The following CDC5L variants were observed in gnomAD, a reference collection of about 807,000 sequenced individuals.
CDC5L encodes the protein cell division cycle 5-like protein.
In CDC5L, 18 loss-of-function variants were observed where a neutral mutation model predicts 104.1. The observed-to-expected ratio is 0.17, with a 90% CI of 0.12 to 0.26. The LOEUF is 0.26. CDC5L is among the 10% of genes least tolerant of loss of function. CDC5L has a pLI of 1.00. For synonymous variants in CDC5L, 331 were observed against 322.7 expected, an observed-to-expected ratio of 1.03 and a Z score of -0.28; for missense variants, 673 against 956.9, an observed-to-expected ratio of 0.70 and a Z score of 3.91.
At chr6:44,421,474 A>G (rs1440041702) in intron 9 of CDC5L, among the ~76,000 whole-genome samples, 1 of 152,256 alleles carries the variant, frequency 6.6e-6, no homozygotes, top group Non-Finnish European at 1.5e-5. Flanking sequence ...GCTATTACAC[A>G]TATCATGACA....
In CDC5L at chr6:44,437,448, A is replaced by AT. The variant is rs561666998; in HGVS notation, c.2091+7541dup. Among the ~76,000 whole-genome samples the AT allele has an allele frequency of 1.8e-4, 27 of 152,284 alleles. No homozygotes were observed. In the East Asian group the frequency reaches 3.5e-3, roughly 20 times the overall value. ...TTATATGTTTAATGACTATATAGTT[A>AT]TTTGGCTAAATTAATTTTTTTCTGT... On this transcript the variant is annotated intron_variant, in intron 14 of 15. Coordinates refer to ENST00000371477, the MANE Select transcript of CDC5L (RefSeq NM_001253.4).
chr6:44,403,214 GTTAAT>G (rs1362633390), intron 5 of CDC5L, among the ~76,000 whole-genome samples: 1 of 151,562 alleles, frequency 6.6e-6, no homozygotes, highest in Non-Finnish European at 1.5e-5. Flanking sequence ...AATGGTACTT[GTTAAT>G]TTAATTTGTG....
At chr6:44,421,375 C>A (rs1390414571) in intron 9 of CDC5L, among the ~76,000 whole-genome samples, 1 of 152,154 alleles carries the variant, frequency 6.6e-6, no homozygotes. Flanking sequence ...TTGGAACTTA[C>A]AATGGTTGGA....
At chr6:44,441,557 A>G (rs1034711054) in intron 14 of CDC5L, among the ~76,000 whole-genome samples, 4 of 152,216 alleles carry the variant, frequency 2.6e-5, no homozygotes, top group Non-Finnish European at 4.4e-5. Flanking sequence ...TAATGGCTGT[A>G]CTAATTTACA....
At chr6:44,445,134 C>T (rs1330622182) in intron 14 of CDC5L, among the ~76,000 whole-genome samples, 1 of 152,112 alleles carries the variant, frequency 6.6e-6, no homozygotes, top group Non-Finnish European at 1.5e-5. Flanking sequence ...TTAAAAGTAT[C>T]TCTCTTGTTC....
chr6:44,440,282 C>T (rs1793121723), intron 14 of CDC5L, among the ~76,000 whole-genome samples: 1 of 147,038 alleles, frequency 6.8e-6, no homozygotes. Context: ...TGCTCTGTTG[C>T]TCAGGCTGGA....
intron 5 of CDC5L, among the ~76,000 whole-genome samples, chr6:44,402,390 AT>A (rs1363591676): frequency 2.0e-5 from 3 of 152,168 alleles, no homozygotes; most frequent in South Asian, 4.1e-4. Flanking sequence ...GATTTTCTTG[AT>A]TTAATGTTTA....
intron 8 of CDC5L, among the ~76,000 whole-genome samples, chr6:44,410,963 CAT>C (rs1242320700): frequency 1.3e-5 from 2 of 150,376 alleles, no homozygotes; most frequent in African/African-American, 4.9e-5. Context: ...AATTTACTAT[CAT>C]ATATGTAATG....
intron 4 of CDC5L, among the ~76,000 whole-genome samples, chr6:44,394,945 A>G (rs1026008487): frequency 6.6e-6 from 1 of 151,410 alleles, no homozygotes; most frequent in African/African-American, 2.4e-5. Flanking sequence ...ATAAAAAGCA[A>G]TGAAATCATG....
At position 44,444,895 on chromosome 6, in the gene CDC5L, C is replaced by T. The variant is rs116741217; in HGVS notation, c.2092-760C>T. On this transcript the variant is annotated intron_variant, in intron 14 of 15. Coordinates refer to ENST00000371477, the MANE Select transcript of CDC5L (RefSeq NM_001253.4). Reference sequence around the variant, plus strand: ...GCCTAAAGTTACTGCTGGGGCAGGCCAGGGGGAAAGGCTTGGAAAGTGTCC... The same window carrying T: ...GCCTAAAGTTACTGCTGGGGCAGGCTAGGGGGAAAGGCTTGGAAAGTGTCC... Among the ~76,000 whole-genome samples, 740 of 152,166 alleles carry T rather than the reference C, an allele frequency of 4.9e-3. 3 individuals carry two copies. The highest frequency in any genetic ancestry group is 0.017 in the African/African-American group (709 of 41,508).
intron 5 of CDC5L, among the ~76,000 whole-genome samples, chr6:44,403,595 A>C (rs1289890713): frequency 6.6e-6 from 1 of 152,098 alleles, no homozygotes; most frequent in South Asian, 2.1e-4. Flanking sequence ...ATTTACTTGT[A>C]GTTCCTTTTG....
At chr6:44,420,782 T>C (rs11571993) in intron 9 of CDC5L, among the ~76,000 whole-genome samples, 5 of 152,172 alleles carry the variant, frequency 3.3e-5, no homozygotes, top group African/African-American at 1.2e-4. Context: ...TCCCCAAATC[T>C]GAAAAAATCC....
intron 10 of CDC5L, 152 bp downstream of exon 10, chr6:44,422,961 T>C: frequency 2.2e-6 from 1 of 448,970 alleles, no homozygotes; most frequent in Non-Finnish European, 3.8e-6. Flanking sequence ...TAAGACTTGA[T>C]GAAAGGGAAT....
intron 5 of CDC5L, among the ~76,000 whole-genome samples, chr6:44,396,734 C>T (rs113304248): frequency 2.0e-5 from 3 of 152,238 alleles, no homozygotes; most frequent in East Asian, 1.9e-4. Context: ...TTCTGACCAG[C>T]GAGCTGGGTT....
intron 9 of CDC5L, 37 bp downstream of exon 9, chr6:44,419,634 T>G: frequency 6.5e-7 from 1 of 1,538,278 alleles, no homozygotes; most frequent in Non-Finnish European, 9.0e-7. Context: ...TTAGAAAAAC[T>G]TGAATTCAAG....
intron 2 of CDC5L, among the ~76,000 whole-genome samples, chr6:44,391,827 G>A (rs1349698701): frequency 1.3e-5 from 2 of 151,638 alleles, no homozygotes; most frequent in African/African-American, 4.8e-5. Flanking sequence ...CCAACATGGT[G>A]AAAACCCCGT....
At chr6:44,394,286 C>T (rs538606776) in intron 4 of CDC5L, among the ~76,000 whole-genome samples, 2 of 152,214 alleles carry the variant, frequency 1.3e-5, no homozygotes, top group East Asian at 3.9e-4. Context: ...TAGTGTAATT[C>T]TACTGAGTAG....
intron 3 of CDC5L, 92 bp downstream of exon 3, chr6:44,392,920 A>G: frequency 8.6e-7 from 1 of 1,167,022 alleles, no homozygotes; most frequent in South Asian, 1.5e-5. Context: ...TTAAACTTTT[A>G]ATTATGGATG....
chr6:44,391,696 G>T (rs1156953164), intron 2 of CDC5L, among the ~76,000 whole-genome samples: 1 of 151,924 alleles, frequency 6.6e-6, no homozygotes, highest in Non-Finnish European at 1.5e-5. Context: ...TAGGCACCTG[G>T]TTAGGGGAAA....
Sources: gnomAD v4.1 joint callset for allele counts (sites outside exome capture counted in the v4.1 genomes callset) on GRCh38, gnomAD v4.1.1 for gene constraint, MANE v1.5 for transcripts, NCBI Gene and HGNC (gene_info 2026-07-23, HGNC 2026-07-21) for gene names.